The following MAD1L1 variants were observed in gnomAD, a reference collection of about 807,000 sequenced individuals.
MAD1L1 encodes the protein mitotic arrest deficient 1 like 1.
A neutral mutation model predicts 96.9 loss-of-function variants in MAD1L1; 95 were observed. The ratio of observed to expected loss-of-function variants is 0.98; its 90% confidence interval spans 0.83 to 1.16. The LOEUF is 1.16. MAD1L1 is among the 50% of genes most tolerant of loss of function. MAD1L1 has a pLI of 0.00. For synonymous variants in MAD1L1, 473 were observed against 396.6 expected (o/e 1.19, Z -2.29); for missense variants, 1,007 against 954.4 (o/e 1.06, Z -0.73).
In MAD1L1 at chr7:1,841,728, G is replaced by A. The variant is rs10249324; in HGVS notation, c.1999-25500C>T. Among the ~76,000 whole-genome samples the A allele has an allele frequency of 7.5e-3, 1,150 of 152,362 alleles. 13 individuals carry two copies. The highest frequency in any genetic ancestry group is 0.026 in the African/African-American group (1,087 of 41,590). On this transcript the variant is annotated intron_variant, in intron 18 of 18. Transcript: ENST00000265854. ...GCGCTGCTTCCCTCGCGGGGCAGAT[G>A]GTCTCGGCCGTCACTCTGCTGTCCC...
At chr7:1,995,812 C>T (rs1781529237) in intron 14 of MAD1L1, among the ~76,000 whole-genome samples, 1 of 152,070 alleles carries the variant, frequency 6.6e-6, no homozygotes, top group South Asian at 2.1e-4. Flanking sequence ...CATACAGAAC[C>T]CCGGTGCCAG....
intron 11 of MAD1L1, among the ~76,000 whole-genome samples, chr7:2,081,333 T>C (rs1412151931): frequency 1.3e-5 from 2 of 151,962 alleles, no homozygotes; most frequent in African/African-American, 2.4e-5. Flanking sequence ...CGAAAGTCCA[T>C]CGAGTTCCCT....
At chr7:1,993,425 T>A (rs192781648) in intron 14 of MAD1L1, among the ~76,000 whole-genome samples, 3 of 152,156 alleles carry the variant, frequency 2.0e-5, no homozygotes, top group African/African-American at 7.2e-5. Context: ...GGAAAAAACA[T>A]TGGAGAATAT....
At chr7:2,107,641 C>G (rs2128554369) in intron 11 of MAD1L1, 1 of 152,574 alleles carries the variant, frequency 6.6e-6, no homozygotes, top group South Asian at 2.1e-4. Flanking sequence ...GCCCTCAGGC[C>G]TCTGCTCAGA....
At chr7:1,816,761 C>T (rs906205007) in intron 18 of MAD1L1, among the ~76,000 whole-genome samples, 14 of 152,136 alleles carry the variant, frequency 9.2e-5, no homozygotes, top group Middle Eastern at 3.4e-3. Context: ...TTCCAGACAG[C>T]GCTGCAGGCC....
At chr7:2,013,847 C>A (rs2128497888) in intron 13 of MAD1L1, among the ~76,000 whole-genome samples, 1 of 152,340 alleles carries the variant, frequency 6.6e-6, no homozygotes, top group African/African-American at 2.4e-5. Context: ...CCTGCGATAC[C>A]CAGCTCCTTC....
At chr7:1,904,483 G>A (rs572571795) in intron 17 of MAD1L1, among the ~76,000 whole-genome samples, 26 of 132,696 alleles carry the variant, frequency 2.0e-4, no homozygotes, top group South Asian at 1.0e-3. Context: ...TCCAGGCAGC[G>A]AGGACGCAGT....
intron 10 of MAD1L1, among the ~76,000 whole-genome samples, chr7:2,205,781 A>G (rs1470149672): frequency 6.6e-6 from 1 of 152,156 alleles, no homozygotes. Context: ...ATAACTAACA[A>G]TGTTGACCAT....
At chr7:2,206,866 G>A (rs1447675258) in intron 10 of MAD1L1, among the ~76,000 whole-genome samples, 2 of 152,122 alleles carry the variant, frequency 1.3e-5, no homozygotes, top group Non-Finnish European at 2.9e-5. Flanking sequence ...TGGATCACTT[G>A]AGGTCAGGAG....
chr7:1,835,490 C>G (rs1273560247), intron 18 of MAD1L1, among the ~76,000 whole-genome samples: 4 of 152,126 alleles, frequency 2.6e-5, no homozygotes. Context: ...GATCAATATA[C>G]AAATGAATTG....
chr7:2,222,355 C>T (rs978582367), intron 5 of MAD1L1, among the ~76,000 whole-genome samples: 2 of 152,244 alleles, frequency 1.3e-5, no homozygotes, highest in Admixed American at 1.3e-4. Flanking sequence ...GCTGGGATTA[C>T]AGGCGTGAGC....
intron 12 of MAD1L1, among the ~76,000 whole-genome samples, chr7:2,044,198 G>A (rs1328556691): frequency 6.6e-6 from 1 of 152,226 alleles, no homozygotes; most frequent in Non-Finnish European, 1.5e-5. Flanking sequence ...TGATCCAAGG[G>A]TCACTCTTGC....
intron 18 of MAD1L1, among the ~76,000 whole-genome samples, chr7:1,887,594 T>C (rs1336827730): frequency 6.8e-6 from 1 of 148,068 alleles, no homozygotes; most frequent in Non-Finnish European, 1.5e-5. Flanking sequence ...TGTGTGACCA[T>C]GCATGCGTGT....
At chr7:2,230,323 C>CA (rs1584611192) in intron 2 of MAD1L1, 180 bp from the exon 3 acceptor site, 3 of 533,648 alleles carry the variant, frequency 5.6e-6, no homozygotes, top group East Asian at 3.1e-5. Context: ...ATTTACCAGA[C>CA]AAAAAATGGA....
intron 12 of MAD1L1, among the ~76,000 whole-genome samples, chr7:2,014,883 C>T (rs191548027): frequency 1.3e-4 from 20 of 152,366 alleles, no homozygotes; most frequent in Non-Finnish European, 2.1e-4. Context: ...GCTCTGACCA[C>T]GTCAGGCCTT....
At chr7:1,926,730 T>A (rs1237248908) in intron 17 of MAD1L1, among the ~76,000 whole-genome samples, 3 of 152,184 alleles carry the variant, frequency 2.0e-5, no homozygotes, top group Non-Finnish European at 4.4e-5. Context: ...AAGAGCGTTT[T>A]CAGCTTGATA....
intron 10 of MAD1L1, among the ~76,000 whole-genome samples, chr7:2,154,048 C>T (rs1453487052): frequency 2.6e-5 from 4 of 152,136 alleles, no homozygotes; most frequent in Non-Finnish European, 4.4e-5. Flanking sequence ...CCCAGCTACT[C>T]AGGAGGCTGA....
chr7:2,093,533 G>A (rs964942555), intron 11 of MAD1L1, among the ~76,000 whole-genome samples: 1 of 152,202 alleles, frequency 6.6e-6, no homozygotes, highest in Non-Finnish European at 1.5e-5. Context: ...CCACATTCTC[G>A]AGTGTTCTGA....
At chr7:1,883,712 G>A (rs887724485) in intron 18 of MAD1L1, among the ~76,000 whole-genome samples, 2 of 152,220 alleles carry the variant, frequency 1.3e-5, no homozygotes, top group Non-Finnish European at 1.5e-5. Context: ...CGGAGGCCGA[G>A]GCAGAGGGTG....
Sources: gnomAD v4.1 joint callset for allele counts (sites outside exome capture counted in the v4.1 genomes callset) on GRCh38, gnomAD v4.1.1 for gene constraint, MANE v1.5 for transcripts, NCBI Gene and HGNC (gene_info 2026-07-23, HGNC 2026-07-21) for gene names.